CCSER1: variants seen among roughly 807,000 people sequenced by gnomAD.
The protein encoded by CCSER1 is serine-rich coiled-coil domain-containing protein 1.
A neutral mutation model predicts 82.0 loss-of-function variants in CCSER1; 41 were observed. The ratio of observed to expected loss-of-function variants is 0.50; its 90% CI spans 0.39 to 0.65. The LOEUF (loss-of-function observed/expected upper bound fraction) is 0.65. Among genes scored for constraint, CCSER1 ranks in the 30% least tolerant of loss-of-function variants. CCSER1 has a pLI of 0.00. For missense variants in CCSER1, 1,119 were observed against 1,064.2 expected (o/e 1.05, Z -0.72); for synonymous variants, 414 against 383.9 (o/e 1.08, Z -0.92).
intron 5 of CCSER1, among the ~76,000 whole-genome samples, chr4:90,527,136 G>T (rs985310803): frequency 6.6e-6 from 1 of 152,122 alleles, no homozygotes; most frequent in African/African-American, 2.4e-5. Context: ...CACAGCAAAA[G>T]AAACTATCAT....
intron 3 of CCSER1, among the ~76,000 whole-genome samples, chr4:90,388,065 T>G (rs537386968): frequency 6.6e-6 from 1 of 152,302 alleles, no homozygotes; most frequent in South Asian, 2.1e-4. Flanking sequence ...GTTGGTTGTC[T>G]TATAGATGTT....
intron 8 of CCSER1, among the ~76,000 whole-genome samples, chr4:90,896,942 A>G (rs2150133155): frequency 6.6e-6 from 1 of 152,098 alleles, no homozygotes; most frequent in East Asian, 1.9e-4. Flanking sequence ...GCAAAATGCA[A>G]TGGTACATAA....
At chr4:90,474,704 G>A (rs1055104676) in intron 5 of CCSER1, among the ~76,000 whole-genome samples, 2 of 152,152 alleles carry the variant, frequency 1.3e-5, no homozygotes, top group African/African-American at 4.8e-5. Context: ...TAGACTGAGT[G>A]GCTACAGTGA....
intron 10 of CCSER1, among the ~76,000 whole-genome samples, chr4:91,499,095 G>C (rs1297177416): frequency 5.3e-5 from 8 of 151,908 alleles, no homozygotes; most frequent in Non-Finnish European, 1.0e-4. Flanking sequence ...GAATGGAAAG[G>C]CTGGGTCAAA....
chr4:90,203,463 T>G (rs1268518163), intron 1 of CCSER1, among the ~76,000 whole-genome samples: 1 of 152,184 alleles, frequency 6.6e-6, no homozygotes, highest in Admixed American at 6.5e-5. Context: ...TTTCTGTTCC[T>G]GTGTTAGTTT....
intron 1 of CCSER1, among the ~76,000 whole-genome samples, chr4:90,184,716 A>G (rs1734307086): frequency 6.6e-6 from 1 of 152,074 alleles, no homozygotes; most frequent in Non-Finnish European, 1.5e-5. Flanking sequence ...CACTTGGCAT[A>G]GTTTCTGGAC....
chr4:90,938,294 T>C (rs948573243), intron 9 of CCSER1, among the ~76,000 whole-genome samples: 4 of 152,120 alleles, frequency 2.6e-5, no homozygotes, highest in African/African-American at 7.2e-5. Context: ...GTGAGACTTA[T>C]GTAGTGCTTA....
intron 5 of CCSER1, among the ~76,000 whole-genome samples, chr4:90,493,683 A>G (rs2153606713): frequency 6.6e-6 from 1 of 152,300 alleles, no homozygotes; most frequent in East Asian, 1.9e-4. Context: ...TAAGTGAAGG[A>G]GAAATAAAAT....
chr4:90,629,435 G>A (rs181585665), intron 6 of CCSER1, among the ~76,000 whole-genome samples: 17 of 152,242 alleles, frequency 1.1e-4, no homozygotes, highest in East Asian at 5.8e-4. Context: ...CGTCTTACAC[G>A]GCGGCAGGCA....
chr4:90,965,920 A>G (rs1734519260), intron 9 of CCSER1, among the ~76,000 whole-genome samples: 1 of 152,240 alleles, frequency 6.6e-6, no homozygotes, highest in Middle Eastern at 3.4e-3. Context: ...GATAGGAAAT[A>G]TTTTTAAGTA....
At chr4:90,654,584 T>G (rs74806190) in intron 6 of CCSER1, among the ~76,000 whole-genome samples, 3,270 of 152,238 alleles carry the variant, frequency 0.021, 121 homozygotes, top group African/African-American at 0.074. Flanking sequence ...AATCTGCTCA[T>G]ATCTTCTCTT....
intron 4 of CCSER1, among the ~76,000 whole-genome samples, chr4:90,430,766 G>T (rs1758159433): frequency 6.6e-6 from 1 of 151,778 alleles, no homozygotes. Flanking sequence ...ACAACAGATT[G>T]CAAGTAGAAA....
intron 8 of CCSER1, among the ~76,000 whole-genome samples, chr4:90,879,823 G>A (rs772582845): frequency 1.8e-4 from 27 of 152,112 alleles, no homozygotes; most frequent in Non-Finnish European, 2.9e-4. Context: ...CTCTGTGTAT[G>A]GGTGTTCCTT....
rs577723644 is a variant in CCSER1 at position 90,152,768 on chromosome 4, A to C, written c.-42+24937A>C. On this transcript the variant is annotated intron_variant, in intron 1 of 10. Transcript: ENST00000509176. ...GAATACCTTGAAAGCTAGGCAGTGA[A>C]ATTTGGGATATTCTGTAGATGATGG... 7.2e-5 allele frequency among the ~76,000 whole-genome samples: 11 copies of C among 152,174 alleles called. 1 individual carries two copies. Among genetic ancestry groups the C allele is most frequent in the African/African-American group, 2.4e-4 (10 of 41,542 alleles).
chr4:91,390,874 G>A (rs1432439298), intron 10 of CCSER1, among the ~76,000 whole-genome samples: 1 of 151,980 alleles, frequency 6.6e-6, no homozygotes, highest in African/African-American at 2.4e-5. Context: ...GCCTAGAGCT[G>A]TTCATATTTA....
intron 10 of CCSER1, among the ~76,000 whole-genome samples, chr4:91,124,167 T>A (rs773712662): frequency 1.9e-4 from 29 of 151,860 alleles, no homozygotes; most frequent in Non-Finnish European, 3.1e-4. Flanking sequence ...ATACTAATTG[T>A]TAATTATTTT....
chr4:90,571,277 C>T (rs1460584228), intron 5 of CCSER1, among the ~76,000 whole-genome samples: 1 of 152,136 alleles, frequency 6.6e-6, no homozygotes, highest in Admixed American at 6.5e-5. Flanking sequence ...GACACCTTCA[C>T]TCATATGTTT....
chr4:90,821,640 A>C (rs1759733263), intron 8 of CCSER1, among the ~76,000 whole-genome samples: 1 of 152,084 alleles, frequency 6.6e-6, no homozygotes, highest in East Asian at 1.9e-4. Flanking sequence ...ATAATAGCTA[A>C]ACGTATGCAT....
At chr4:90,356,231 T>C (rs1744358468) in intron 3 of CCSER1, among the ~76,000 whole-genome samples, 1 of 151,864 alleles carries the variant, frequency 6.6e-6, no homozygotes, top group African/African-American at 2.4e-5. Context: ...TACTGTTTTA[T>C]AACGTCTAAT....
Sources: allele counts gnomAD v4.1 joint callset (sites outside exome capture counted in the v4.1 genomes callset), GRCh38; gene constraint gnomAD v4.1.1; transcripts MANE v1.5; gene names NCBI Gene and HGNC (gene_info 2026-07-23, HGNC 2026-07-21).